Variants in STK32B observed in about 807,000 individuals in gnomAD.
STK32B encodes the protein serine/threonine kinase 32B.
A neutral mutation model predicts 52.6 loss-of-function variants in STK32B; 43 were observed. The observed-to-expected ratio is 0.82, with a 90% confidence interval of 0.64 to 1.05. The LOEUF (loss-of-function observed/expected upper bound fraction) is 1.05, where lower values mean the gene tolerates loss of function less well. STK32B is among the 50% of genes least tolerant of loss of function. STK32B has a pLI of 0.00. For synonymous variants in STK32B, 238 were observed against 204.3 expected (o/e 1.17, Z -1.41); for missense variants, 621 against 534.6 (o/e 1.16, Z -1.59).
At chr4:5,144,212 G>A (rs181214919) in intron 2 of STK32B, among the ~76,000 whole-genome samples, 2 of 152,110 alleles carry the variant, frequency 1.3e-5, no homozygotes, top group Non-Finnish European at 2.9e-5. Context: ...GACAAACAAG[G>A]ATTCAAATGC....
At chr4:5,073,050 G>C (rs973572106) in intron 1 of STK32B, among the ~76,000 whole-genome samples, 1 of 151,960 alleles carries the variant, frequency 6.6e-6, no homozygotes, top group Non-Finnish European at 1.5e-5. Flanking sequence ...TTGTATCTTT[G>C]AATACAAGCA....
At chr4:5,154,392 T>G (rs994942204) in intron 2 of STK32B, among the ~76,000 whole-genome samples, 1 of 152,082 alleles carries the variant, frequency 6.6e-6, no homozygotes, top group Non-Finnish European at 1.5e-5. Flanking sequence ...ATTTTGTATT[T>G]TTAGTAGAGA....
At chr4:5,342,185 T>C (rs759630836) in intron 4 of STK32B, among the ~76,000 whole-genome samples, 2 of 152,144 alleles carry the variant, frequency 1.3e-5, no homozygotes, top group Non-Finnish European at 2.9e-5. Flanking sequence ...GGGTCGCCAG[T>C]GATCTCATTA....
intron 11 of STK32B, among the ~76,000 whole-genome samples, chr4:5,478,272 G>A (rs1252241829): frequency 6.6e-6 from 1 of 152,182 alleles, no homozygotes; most frequent in Non-Finnish European, 1.5e-5. Flanking sequence ...AGAAACCAGA[G>A]ACTGCTGCCC....
At chr4:5,171,344 G>A (rs1288232689) in intron 3 of STK32B, among the ~76,000 whole-genome samples, 3 of 151,848 alleles carry the variant, frequency 2.0e-5, no homozygotes, top group African/African-American at 7.3e-5. Flanking sequence ...GGCTTTTGTT[G>A]CCATTGCTTT....
chr4:5,217,577 T>C (rs7682981), intron 3 of STK32B, among the ~76,000 whole-genome samples: 15,100 of 152,292 alleles, frequency 0.099, 1,065 homozygotes, highest in Admixed American at 0.2. Context: ...ATTTGGCCTT[T>C]GTATTTATGG....
intron 2 of STK32B, among the ~76,000 whole-genome samples, chr4:5,163,533 G>A (rs1318226074): frequency 1.6e-5 from 2 of 128,338 alleles, no homozygotes; most frequent in East Asian, 2.4e-4. Flanking sequence ...GAGATAGAGT[G>A]AAGGCTGTGT....
intron 11 of STK32B, among the ~76,000 whole-genome samples, chr4:5,472,242 G>A (rs1054015610): frequency 4.6e-5 from 7 of 152,216 alleles, no homozygotes; most frequent in Admixed American, 3.3e-4. Context: ...AGCCTGCAGC[G>A]GGGAGGATTA....
At chr4:5,382,551 G>C (rs1736000060) in intron 4 of STK32B, among the ~76,000 whole-genome samples, 3 of 152,026 alleles carry the variant, frequency 2.0e-5, no homozygotes, top group African/African-American at 7.2e-5. Context: ...GTCCCTCTCT[G>C]TGGTCAGGGG....
chr4:5,305,910 A>G (rs550564318), intron 3 of STK32B, among the ~76,000 whole-genome samples: 2 of 152,096 alleles, frequency 1.3e-5, no homozygotes, highest in Admixed American at 1.3e-4. Flanking sequence ...TATCACTATT[A>G]TTGTTCAGTT....
intron 3 of STK32B, among the ~76,000 whole-genome samples, chr4:5,289,530 A>G (rs1728754379): frequency 6.6e-6 from 1 of 152,020 alleles, no homozygotes; most frequent in African/African-American, 2.4e-5. Flanking sequence ...GTCTCATTAG[A>G]TGTCAGAGAA....
chr4:5,146,063 T>C (rs1716888500), intron 2 of STK32B, among the ~76,000 whole-genome samples: 1 of 132,116 alleles, frequency 7.6e-6, no homozygotes, highest in East Asian at 2.7e-4. Context: ...TTTTTTTTTT[T>C]TCCCTAGTAT....
chr4:5,244,047 G>A (rs1208190582), intron 3 of STK32B, among the ~76,000 whole-genome samples: 1 of 151,648 alleles, frequency 6.6e-6, no homozygotes, highest in African/African-American at 2.4e-5. Flanking sequence ...TCTCTTTTTT[G>A]GTTGTGTCTC....
chr4:5,312,150 A>G (rs1276313279), intron 3 of STK32B, among the ~76,000 whole-genome samples: 1 of 151,478 alleles, frequency 6.6e-6, no homozygotes, highest in Non-Finnish European at 1.5e-5. Flanking sequence ...TTTTTCTTTT[A>G]TGATTCATGA....
rs1214168385 is a variant in STK32B at position 5,453,351 on chromosome 4, GT to G, written c.667-3453del. Among the ~76,000 whole-genome samples the G allele has an allele frequency of 2.0e-5, 3 of 152,106 alleles. No homozygotes were observed. The highest frequency in any genetic ancestry group is 4.4e-5 in the Non-Finnish European group (3 of 68,040). On this transcript the variant is annotated intron_variant, in intron 7 of 11. Transcript: ENST00000282908. This position sits in a 1 kb window ranked among gnomAD's most constrained non-coding sequence, Gnocchi z 4.0. ...AAATGATAAGAAAACATTTACATTT[GT>G]TTCTGGCTGGTGTTCAAGTTGGGTG...
chr4:5,123,516 T>C (rs1330369995), intron 1 of STK32B, among the ~76,000 whole-genome samples: 3 of 152,260 alleles, frequency 2.0e-5, no homozygotes, highest in South Asian at 4.1e-4. Context: ...ACAACAAACA[T>C]TTATTTCTTG....
At position 5,231,518 on chromosome 4, in the gene STK32B, A is replaced by C. The variant is rs551197614; in HGVS notation, c.260+63068A>C. The stretch of plus-strand genomic sequence containing the variant: ...TCCCAGCTACTTGGGAGGCTGAGGC[A>C]AAAGAATCACTTGAACCTGGGAGGC... On this transcript the variant is annotated intron_variant, in intron 3 of 11. Transcript: ENST00000282908. Among the ~76,000 whole-genome samples, 1,152 of 152,282 alleles carry C rather than the reference A, an allele frequency of 7.6e-3. 10 individuals are homozygous for C. Among genetic ancestry groups the C allele is most frequent in the African/African-American group, 0.026 (1,061 of 41,562 alleles).
At chr4:5,141,621 A>C (rs1190546288) in intron 2 of STK32B, among the ~76,000 whole-genome samples, 5 of 152,190 alleles carry the variant, frequency 3.3e-5, no homozygotes, top group Non-Finnish European at 7.3e-5. Flanking sequence ...GGGCCACAGC[A>C]GCAGCGGGGA....
At chr4:5,054,223 A>C (rs780268638) in intron 1 of STK32B, among the ~76,000 whole-genome samples, 23 of 152,150 alleles carry the variant, frequency 1.5e-4, no homozygotes, top group Non-Finnish European at 3.2e-4. Context: ...GAGGAGGATG[A>C]AGGCAAAGTG....
Sources: allele counts gnomAD v4.1 joint callset (sites outside exome capture counted in the v4.1 genomes callset), GRCh38; gene constraint gnomAD v4.1.1; non-coding constraint Gnocchi (gnomAD v3.1); transcripts MANE v1.5; gene names NCBI Gene and HGNC (gene_info 2026-07-23, HGNC 2026-07-21).